The following NAALADL2 variants were observed in gnomAD, a reference collection of about 807,000 sequenced individuals.
NAALADL2 encodes the protein inactive N-acetylated-alpha-linked acidic dipeptidase-like protein 2.
A neutral mutation model predicts 87.2 loss-of-function variants in NAALADL2; 76 were observed. That is an observed-to-expected ratio of 0.87 (90% CI 0.72 to 1.05). The LOEUF is 1.05. Among genes scored for constraint, NAALADL2 ranks in the 50% least tolerant of loss-of-function variants. The pLI is 0.00. For missense variants in NAALADL2, 1,089 were observed against 945.8 expected (o/e 1.15, Z -1.99); for synonymous variants, 354 against 331.0 (o/e 1.07, Z -0.75).
chr3:174,823,198 G>A (rs927618838), intron 3 of NAALADL2, among the ~76,000 whole-genome samples: 1 of 151,478 alleles, frequency 6.6e-6, no homozygotes, highest in Non-Finnish European at 1.5e-5. Context: ...CCTTTTTGTT[G>A]TTGTTGTTGT....
At chr3:174,688,510 T>TAC (rs1728256661) in intron 2 of NAALADL2, among the ~76,000 whole-genome samples, 1 of 152,068 alleles carries the variant, frequency 6.6e-6, no homozygotes, top group Non-Finnish European at 1.5e-5. Flanking sequence ...TGAGTTAATA[T>TAC]ACACTAAGTT....
At chr3:174,734,540 C>T (rs187595173) in intron 2 of NAALADL2, among the ~76,000 whole-genome samples, 93 of 152,248 alleles carry the variant, frequency 6.1e-4, no homozygotes, top group Non-Finnish European at 1.1e-3. Context: ...TGCAAACTCT[C>T]AGGACCCACC....
At chr3:175,698,713 A>C (rs1242130496) in intron 11 of NAALADL2, among the ~76,000 whole-genome samples, 1 of 151,634 alleles carries the variant, frequency 6.6e-6, no homozygotes, top group East Asian at 1.9e-4. Flanking sequence ...ACAGTTATTT[A>C]AGTTAAAGAC....
chr3:175,744,633 TTAAAA>T (rs1156380901), intron 12 of NAALADL2, among the ~76,000 whole-genome samples: 18 of 152,254 alleles, frequency 1.2e-4, no homozygotes, highest in Non-Finnish European at 2.1e-4. Context: ...TTTTTGTGAC[TTAAAA>T]TAATCATGGT....
At chr3:175,733,429 T>C (rs897709430) in intron 11 of NAALADL2, among the ~76,000 whole-genome samples, 3 of 152,134 alleles carry the variant, frequency 2.0e-5, no homozygotes, top group African/African-American at 7.2e-5. Flanking sequence ...ACCCATTCAC[T>C]ATCACAAGAA....
intron 9 of NAALADL2, among the ~76,000 whole-genome samples, chr3:175,512,217 G>A (rs1731253843): frequency 1.3e-5 from 2 of 152,206 alleles, no homozygotes; most frequent in South Asian, 2.1e-4. Context: ...CAGCTTGGGG[G>A]CAACACAGTG....
chr3:175,279,800 G>A (rs1182656983), intron 4 of NAALADL2, among the ~76,000 whole-genome samples: 1 of 150,578 alleles, frequency 6.6e-6, no homozygotes, highest in Non-Finnish European at 1.5e-5. Context: ...GTGTGTGTGT[G>A]TGTGTGTGTG....
chr3:174,609,392 C>T (rs1719530933), intron 2 of NAALADL2, among the ~76,000 whole-genome samples: 1 of 151,930 alleles, frequency 6.6e-6, no homozygotes, highest in African/African-American at 2.4e-5. Context: ...TTGCAGACAA[C>T]ATGATTGTAT....
At chr3:174,641,648 T>A (rs924958253) in intron 2 of NAALADL2, among the ~76,000 whole-genome samples, 3 of 152,200 alleles carry the variant, frequency 2.0e-5, no homozygotes, top group African/African-American at 7.2e-5. Context: ...TCAGCTGCTG[T>A]CATGGAAAGT....
intron 2 of NAALADL2, among the ~76,000 whole-genome samples, chr3:175,211,033 G>A (rs1741700847): frequency 6.6e-6 from 1 of 151,618 alleles, no homozygotes; most frequent in African/African-American, 2.4e-5. Context: ...GAAACAAAAA[G>A]GCCCATTAGC....
chr3:175,343,909 G>A (rs879594018), intron 5 of NAALADL2, among the ~76,000 whole-genome samples: 1 of 151,794 alleles, frequency 6.6e-6, no homozygotes, highest in Admixed American at 6.6e-5. Context: ...TCTGTAAAGA[G>A]GAAAGAGAAA....
chr3:175,543,444 T>G (rs548286082), intron 9 of NAALADL2, among the ~76,000 whole-genome samples: 1 of 152,266 alleles, frequency 6.6e-6, no homozygotes, highest in African/African-American at 2.4e-5. Flanking sequence ...ATTTTCATAC[T>G]GCTATGAAGA....
At chr3:174,789,031 G>A (rs1717140366) in intron 3 of NAALADL2, among the ~76,000 whole-genome samples, 2 of 152,184 alleles carry the variant, frequency 1.3e-5, no homozygotes. Context: ...TCGATAGAAC[G>A]ATTTTAATAG....
At chr3:174,979,213 T>G (rs1216945233) in intron 1 of NAALADL2, among the ~76,000 whole-genome samples, 1 of 151,944 alleles carries the variant, frequency 6.6e-6, no homozygotes, top group Non-Finnish European at 1.5e-5. Context: ...TAAATTTTTC[T>G]TATTTGTTCA....
chr3:175,213,684 A>G (rs533816079), intron 2 of NAALADL2, among the ~76,000 whole-genome samples: 1 of 152,296 alleles, frequency 6.6e-6, no homozygotes, highest in South Asian at 2.1e-4. Flanking sequence ...AGTCCTTTAT[A>G]GGAATTATTA....
intron 2 of NAALADL2, among the ~76,000 whole-genome samples, chr3:174,684,120 TC>T (rs1235306109): frequency 1.3e-5 from 2 of 152,010 alleles, no homozygotes; most frequent in African/African-American, 4.8e-5. Context: ...CCTCCTTACT[TC>T]CTTGTATATA....
chr3:175,657,763 A>G (rs1411348438), intron 11 of NAALADL2, among the ~76,000 whole-genome samples: 1 of 151,784 alleles, frequency 6.6e-6, no homozygotes, highest in Non-Finnish European at 1.5e-5. Flanking sequence ...TTGTATTTTT[A>G]GTAGAGATGG....
chr3:174,490,099 A>G (rs1448149742), intron 1 of NAALADL2, among the ~76,000 whole-genome samples: 1 of 152,168 alleles, frequency 6.6e-6, no homozygotes, highest in Non-Finnish European at 1.5e-5. Flanking sequence ...AGTCTTGTAC[A>G]TGAACATTCA....
At chr3:174,879,431 C>A (rs1728915596) in intron 1 of NAALADL2, among the ~76,000 whole-genome samples, 1 of 151,962 alleles carries the variant, frequency 6.6e-6, no homozygotes, top group Non-Finnish European at 1.5e-5. Flanking sequence ...TATACATATT[C>A]TTAATTGTCT....
Sources: allele counts gnomAD v4.1 joint callset (sites outside exome capture counted in the v4.1 genomes callset), GRCh38; gene constraint gnomAD v4.1.1; transcripts MANE v1.5; gene names NCBI Gene and HGNC (gene_info 2026-07-23, HGNC 2026-07-21).